METTL15: variants seen among roughly 807,000 people sequenced by gnomAD.
METTL15 encodes the protein methyltransferase 15, mitochondrial 12S rRNA N4-cytidine.
Under a neutral mutation model 38.3 loss-of-function variants are expected in METTL15, and 34 were observed. The observed-to-expected ratio is 0.89, with a 90% CI of 0.68 to 1.18. METTL15 has a LOEUF of 1.18. METTL15 is among the 50% of genes most tolerant of loss of function. The pLI, the probability that METTL15 is intolerant of heterozygous loss-of-function variation, is 0.00. For missense variants in METTL15, 438 were observed against 498.4 expected (o/e 0.88, Z 1.15); for synonymous variants, 162 against 170.9 (o/e 0.95, Z 0.41).
At chr11:28,434,486 T>A (rs1850964144) in intron 6 of METTL15, among the ~76,000 whole-genome samples, 1 of 152,258 alleles carries the variant, frequency 6.6e-6, no homozygotes, top group Admixed American at 6.5e-5. Context: ...TCTCTGCTAT[T>A]CTTTCCATCT....
chr11:28,383,992 G>C (rs556108890), intron 5 of METTL15, among the ~76,000 whole-genome samples: 1 of 152,020 alleles, frequency 6.6e-6, no homozygotes, highest in South Asian at 2.1e-4. Flanking sequence ...CCCAGTGTCT[G>C]TTATTCCCTT....
At chr11:28,228,896 C>T (rs1005994735) in intron 4 of METTL15, among the ~76,000 whole-genome samples, 2 of 151,858 alleles carry the variant, frequency 1.3e-5, no homozygotes, top group Non-Finnish European at 1.5e-5. Flanking sequence ...TTGAACTCAT[C>T]TGGATCTGGC....
intron 6 of METTL15, among the ~76,000 whole-genome samples, chr11:28,302,054 G>A (rs1248696204): frequency 6.6e-6 from 1 of 152,060 alleles, no homozygotes; most frequent in South Asian, 2.1e-4. Flanking sequence ...GACTACGGGT[G>A]CCCAACATCA....
At chr11:28,226,989 T>C (rs991669028) in intron 4 of METTL15, among the ~76,000 whole-genome samples, 1 of 151,924 alleles carries the variant, frequency 6.6e-6, no homozygotes, top group Non-Finnish European at 1.5e-5. Flanking sequence ...TACCTGTTCA[T>C]TGTTTTTGGT....
chr11:28,479,057 T>TTGTGTGTGTGTG (rs71050961), intron 6 of METTL15, among the ~76,000 whole-genome samples: 7 of 146,832 alleles, frequency 4.8e-5, no homozygotes, highest in African/African-American at 1.7e-4. Context: ...TTATTTCTCT[T>TTGTGTGTGTGTG]TGTGTGTGTG....
chr11:28,299,272 G>C (rs1046814353), intron 6 of METTL15, among the ~76,000 whole-genome samples: 2 of 144,378 alleles, frequency 1.4e-5, no homozygotes, highest in Admixed American at 7.2e-5. Flanking sequence ...GCCTTTAAAG[G>C]CATTTGCAAA....
At chr11:28,222,519 G>A (rs534713261) in intron 4 of METTL15, among the ~76,000 whole-genome samples, 10 of 152,136 alleles carry the variant, frequency 6.6e-5, no homozygotes, top group Admixed American at 3.3e-4. Flanking sequence ...GCGATGCCTC[G>A]CCCTGCTTTG....
Position 28,290,313 on chromosome 11 carries a change from G to A in METTL15, c.515G>A (p.Cys172Tyr). The A allele has an allele frequency of 1.9e-6, 3 of 1,613,552 alleles. No individual in the cohort carries two copies. Among genetic ancestry groups the A allele is most frequent in the Non-Finnish European group, 2.5e-6 (3 of 1,179,686 alleles). The change falls in exon 5 of 7, where the codon TGT becomes TAT. Residue 172 changes from cysteine to tyrosine, a missense_variant. Physicochemically the swap from Cys to Tyr is radical, Grantham distance 194 (BLOSUM62 -2). Coordinates refer to ENST00000407364, the MANE Select transcript of METTL15 (RefSeq NM_001113528.2). ...TFDGVLMDLG[C>Y]SSMQLDTPER... is the part of the protein sequence containing the mutation. Reference sequence around the variant, plus strand: ...GATGGAGTTCTTATGGATCTTGGGTGTTCCTCCATGCAACTTGATACTCCT... The same window carrying A: ...GATGGAGTTCTTATGGATCTTGGGTATTCCTCCATGCAACTTGATACTCCT...
chr11:28,295,678 G>A lies in METTL15; in HGVS notation c.600-1075G>A, dbSNP rs1366525564. Among the ~76,000 whole-genome samples the A allele has an allele frequency of 3.9e-5, 6 of 151,942 alleles. No individual in the cohort carries two copies. The East Asian group carries it at 1.2e-3, about 29-fold the overall frequency. ...CAAAGAGACATCAAGAGAGATGAAA[G>A]TCATGACAAATCGGGGGATAAGCCA... On this transcript the variant is annotated intron_variant, in intron 5 of 6. Coordinates refer to ENST00000407364, the MANE Select transcript of METTL15 (RefSeq NM_001113528.2).
intron 5 of METTL15, among the ~76,000 whole-genome samples, chr11:28,369,111 C>G (rs1262269053): frequency 2.0e-5 from 3 of 152,004 alleles, no homozygotes; most frequent in Non-Finnish European, 4.4e-5. Context: ...TGTAGCAAAA[C>G]AGCACATTCT....
chr11:28,210,696 C>G (rs1852595878), intron 3 of METTL15, among the ~76,000 whole-genome samples: 2 of 151,866 alleles, frequency 1.3e-5, no homozygotes, highest in African/African-American at 4.8e-5. Flanking sequence ...TAATTGTAAG[C>G]CATCTCTAAA....
chr11:28,279,410 A>G (rs10767709), intron 4 of METTL15, among the ~76,000 whole-genome samples: 151,758 of 152,322 alleles, frequency 1, 75,604 homozygotes, highest in Non-Finnish European at 1. Context: ...AATTACTGAT[A>G]TATTTGGGTT....
chr11:28,220,282 T>A (rs1025473363), intron 4 of METTL15, among the ~76,000 whole-genome samples: 2 of 152,082 alleles, frequency 1.3e-5, no homozygotes, highest in Non-Finnish European at 2.9e-5. Flanking sequence ...TAGTTAGCTC[T>A]TCTTGTTGAA....
chr11:28,344,529 A>G (rs1849980968), intron 3 of METTL15, among the ~76,000 whole-genome samples: 1 of 152,194 alleles, frequency 6.6e-6, no homozygotes, highest in South Asian at 2.1e-4. Context: ...ACTTCTCTCA[A>G]TTCAAGTCAC....
intron 4 of METTL15, among the ~76,000 whole-genome samples, chr11:28,229,563 T>C (rs148100588): frequency 7.9e-5 from 12 of 152,094 alleles, no homozygotes; most frequent in African/African-American, 1.7e-4. Flanking sequence ...ACAAATGGAA[T>C]TAATGCTCTT....
chr11:28,198,334 A>G lies in METTL15; in HGVS notation c.271-12728A>G, dbSNP rs887589246. 4.6e-5 allele frequency among the ~76,000 whole-genome samples: 7 copies of G among 152,252 alleles called. No individual in the cohort carries two copies. The East Asian group carries it at 5.8e-4, about 13-fold the overall frequency. On this transcript the variant is annotated intron_variant, in intron 3 of 6. Coordinates refer to ENST00000407364, the MANE Select transcript of METTL15 (RefSeq NM_001113528.2). ...TATGTTACACATAAGAGTGAAAGCT[A>G]TTTATCACAAAGAATGATAAATACT... is the stretch of plus-strand genomic sequence containing the variant.
At chr11:28,240,850 G>T (rs1441902195) in intron 4 of METTL15, among the ~76,000 whole-genome samples, 1 of 152,126 alleles carries the variant, frequency 6.6e-6, no homozygotes, top group Non-Finnish European at 1.5e-5. Context: ...TTAAAAAATT[G>T]AATAATGGAT....
chr11:28,462,479 TACACACAC>T (rs10573384), intron 6 of METTL15, among the ~76,000 whole-genome samples: 1,874 of 146,402 alleles, frequency 0.013, 32 homozygotes, highest in African/African-American at 0.035. Context: ...CATACACGCT[TACACACAC>T]ACACACACAC....
intron 6 of METTL15, among the ~76,000 whole-genome samples, chr11:28,456,240 T>C (rs1025880034): frequency 2.0e-5 from 3 of 151,936 alleles, no homozygotes; most frequent in Middle Eastern, 6.8e-3. Flanking sequence ...AAACTCATGG[T>C]TTCAAGTGAT....
Sources: allele counts gnomAD v4.1 joint callset (sites outside exome capture counted in the v4.1 genomes callset), GRCh38; gene constraint gnomAD v4.1.1; transcripts MANE v1.5; gene names NCBI Gene and HGNC (gene_info 2026-07-23, HGNC 2026-07-21).